OCA2: variants seen among roughly 807,000 people sequenced by gnomAD.
The protein encoded by OCA2 is OCA2 melanosomal transmembrane protein.
OCA2 carries 77 observed loss-of-function variants against 100.2 expected under a neutral mutation model. The ratio of observed to expected loss-of-function variants is 0.77; its 90% CI spans 0.64 to 0.93. The LOEUF (loss-of-function observed/expected upper bound fraction) is 0.93, where lower values mean the gene tolerates loss of function less well. OCA2 is among the 40% of genes least tolerant of loss of function. OCA2 has a pLI of 0.00. For synonymous variants in OCA2, 432 were observed against 439.2 expected, an observed-to-expected ratio of 0.98 and a Z score of 0.21; for missense variants, 1,062 against 1,089.1, an observed-to-expected ratio of 0.98 and a Z score of 0.35.
At position 27,873,114 on chromosome 15, in the gene OCA2, C is replaced by CT. The variant is rs1453265778; in HGVS notation, c.2080-1193dup. On this transcript the variant is annotated intron_variant, in intron 19 of 23. Coordinates refer to ENST00000354638, the MANE Select transcript of OCA2 (RefSeq NM_000275.3). ...CAATCACGATTCTCCATCAAGTTTG[C>CT]TTTTATATCAACTAAGTCATAAGGA... 3.9e-5 allele frequency among the ~76,000 whole-genome samples: 6 copies of CT among 152,238 alleles called. No homozygotes were observed. In the South Asian group the frequency reaches 1.2e-3, roughly 32 times the overall value.
At chr15:27,961,366 T>G (rs2040405423) in intron 15 of OCA2, among the ~76,000 whole-genome samples, 1 of 152,208 alleles carries the variant, frequency 6.6e-6, no homozygotes, top group Non-Finnish European at 1.5e-5. Flanking sequence ...GTAAACTAGT[T>G]CAGCCATTGT....
At chr15:27,727,667 C>T in the OCA2 span, among the ~76,000 whole-genome samples, 1 of 152,206 alleles carries the variant, frequency 6.6e-6, no homozygotes, top group Non-Finnish European at 1.5e-5. Context: ...AACAGCTTGA[C>T]TAAAAGACAA....
At chr15:27,793,377 G>A (rs142246116) in intron 23 of OCA2, among the ~76,000 whole-genome samples, 6 of 150,222 alleles carry the variant, frequency 4.0e-5, no homozygotes, top group African/African-American at 1.5e-4. Context: ...ATGCCCACCT[G>A]GTAAAACAAT....
intron 2 of OCA2, among the ~76,000 whole-genome samples, chr15:28,053,929 A>G (rs553639421): frequency 2.7e-4 from 40 of 149,848 alleles, no homozygotes; most frequent in African/African-American, 9.5e-4. Context: ...CGGATCCCCC[A>G]CCCTGGCTCA....
chr15:27,835,513 T>C (rs1237232179), intron 23 of OCA2, among the ~76,000 whole-genome samples: 4 of 152,232 alleles, frequency 2.6e-5, no homozygotes, highest in South Asian at 2.1e-4. Flanking sequence ...CCCAGTGGAA[T>C]AGTACCAGCT....
In OCA2 at chr15:27,989,266, ACT is replaced by A. The variant is rs2041464723; in HGVS notation, c.1182+333_1182+334del. Among the ~76,000 whole-genome samples the A allele has an allele frequency of 3.3e-5, 5 of 152,084 alleles. No homozygotes were observed. The South Asian group carries it at 8.3e-4, about 25-fold the overall frequency. On this transcript the variant is annotated intron_variant, in intron 11 of 23. Coordinates refer to ENST00000354638, the MANE Select transcript of OCA2 (RefSeq NM_000275.3). ...TTCCTTTATTCACATAATGAAAGGT[ACT>A]CTCTCTCCCACTGAAACTCCTACAT...
At position 27,870,710 on chromosome 15, in the gene OCA2, AGGAAGGAAG is replaced by A. The variant is rs1567042211; in HGVS notation, c.2244+435_2244+443del. ...AAGGAAGGAAGGAAAGAAGGAAGGA[AGGAAGGAAG>A]GAAAGAAGGAAGGAAGGGAGGGAGG... is the stretch of plus-strand genomic sequence containing the variant. On this transcript the variant is annotated intron_variant, in intron 21 of 23. Coordinates refer to ENST00000354638, the MANE Select transcript of OCA2 (RefSeq NM_000275.3). Among the ~76,000 whole-genome samples the A allele has an allele frequency of 3.1e-3, 358 of 115,500 alleles. 1 individual carries two copies. The highest frequency in any genetic ancestry group is 0.011 in the African/African-American group (345 of 32,574). The allele number at this position is 115,500 out of a possible 152,430, so 75.8% of individuals were successfully genotyped here.
At chr15:27,804,783 C>A (rs1433582370) in intron 23 of OCA2, among the ~76,000 whole-genome samples, 1 of 152,338 alleles carries the variant, frequency 6.6e-6, no homozygotes, top group South Asian at 2.1e-4. Flanking sequence ...AGCTACCCAG[C>A]GCCTTGGGAA....
chr15:28,028,054 C>T lies in OCA2; in HGVS notation c.332G>A (p.Arg111Gln), dbSNP rs2042809169. ...CTCTGGATGGTAAACAGGTATGCAC[C>T]GTGACCTGGAAAGCAAGAGAGGTGT... ...LRNSLQEKGS[R>Q]CIPVYHPEFI... Residue 111 changes from arginine (R) to glutamine (Q), a missense_variant, in exon 4 of 24, where the codon CGG (arginine) becomes CAG (glutamine). Physicochemically the swap from Arg to Gln is conservative, Grantham distance 43. Coordinates refer to ENST00000354638, the MANE Select transcript of OCA2 (RefSeq NM_000275.3). The T allele has an allele frequency of 6.2e-7, 1 of 1,614,070 alleles. No individual in the cohort carries two copies. Among genetic ancestry groups the T allele is most frequent in the African/African-American group, 1.3e-5 (1 of 74,924 alleles).
At position 27,851,483 on chromosome 15, in the gene OCA2, G is replaced by C. The variant is rs768263906; in HGVS notation, c.2245-8C>G. ...GTTCAGGAGCACGGGAATCTGTGGA[G>C]GAAGAGGACATTGATGCCACGTCCC... On this transcript the variant is annotated splice_polypyrimidine_tract_variant and splice_region_variant and intron_variant, in intron 21 of 23. Transcript: ENST00000354638. The C allele has an allele frequency of 2.0e-5, 33 of 1,611,036 alleles. 2 individuals are homozygous for C. The highest frequency in any genetic ancestry group is 8.9e-5 in the East Asian group (4 of 44,778).
intron 23 of OCA2, among the ~76,000 whole-genome samples, chr15:27,831,048 G>A (rs2034929241): frequency 6.6e-6 from 1 of 152,110 alleles, no homozygotes; most frequent in Non-Finnish European, 1.5e-5. Context: ...AGCACTTTGG[G>A]AGGCCAAGGC....
chr15:27,938,162 G>A (rs990834515), intron 18 of OCA2, among the ~76,000 whole-genome samples: 2 of 152,180 alleles, frequency 1.3e-5, no homozygotes, highest in African/African-American at 4.8e-5. Context: ...ACACTCAGCA[G>A]GATCCCTATT....
intron 19 of OCA2, among the ~76,000 whole-genome samples, chr15:27,925,374 T>G (rs1181326976): frequency 6.6e-6 from 1 of 152,188 alleles, no homozygotes; most frequent in Admixed American, 6.5e-5. Flanking sequence ...AATTGTGCAA[T>G]GTATGTCCTG....
chr15:27,746,416 G>A, the OCA2 span, among the ~76,000 whole-genome samples: 31 of 152,104 alleles, frequency 2.0e-4, no homozygotes, highest in African/African-American at 5.1e-4. Context: ...AGCCGAGATC[G>A]TGCCGCTGCA....
At chr15:27,985,031 C>A (rs1199162923) in intron 13 of OCA2, 33 bp downstream of exon 13, 14 of 1,612,884 alleles carry the variant, frequency 8.7e-6, no homozygotes, top group East Asian at 4.5e-5. Flanking sequence ...CAGAACCTGG[C>A]CGCAACTCCC....
chr15:27,759,813 A>C (rs2030687946), intron 23 of OCA2, among the ~76,000 whole-genome samples: 1 of 152,158 alleles, frequency 6.6e-6, no homozygotes, highest in Non-Finnish European at 1.5e-5. Flanking sequence ...AACTAGAAAG[A>C]AATTCAGCAG....
At chr15:28,065,183 G>A (rs937990391) in intron 2 of OCA2, among the ~76,000 whole-genome samples, 1 of 152,128 alleles carries the variant, frequency 6.6e-6, no homozygotes, top group African/African-American at 2.4e-5. Context: ...GTCTCCCACT[G>A]AGACTAAGAT....
chr15:28,067,043 C>T (rs1011298431), intron 2 of OCA2, among the ~76,000 whole-genome samples: 1 of 152,134 alleles, frequency 6.6e-6, no homozygotes, highest in Non-Finnish European at 1.5e-5. Flanking sequence ...CTTTTGTCTC[C>T]GTAAAATGTA....
chr15:27,870,814 G>A (rs548757464), intron 21 of OCA2, among the ~76,000 whole-genome samples: 2,400 of 137,820 alleles, frequency 0.017, 62 homozygotes, highest in African/African-American at 0.073. Flanking sequence ...GAAAGAAAGA[G>A]AGAGAGAAAG....
Sources: gnomAD v4.1 joint callset for allele counts (sites outside exome capture counted in the v4.1 genomes callset) on GRCh38, gnomAD v4.1.1 for gene constraint, MANE v1.5 for transcripts, NCBI Gene and HGNC (gene_info 2026-07-23, HGNC 2026-07-21) for gene names.